The following ZBTB20 variants were observed in gnomAD, a reference collection of about 807,000 sequenced individuals.
The protein encoded by ZBTB20 is zinc finger and BTB domain containing 20.
Under a neutral mutation model 56.9 loss-of-function variants are expected in ZBTB20, and 9 were observed. That is an observed-to-expected ratio of 0.16 (90% confidence interval 0.10 to 0.28). ZBTB20 has a LOEUF of 0.28. ZBTB20 is among the 10% of genes least tolerant of loss of function. The pLI is 1.00. For missense variants in ZBTB20, 655 were observed against 1,003.0 expected, an observed-to-expected ratio of 0.65 and a Z score of 4.69; for synonymous variants, 417 against 420.7, an observed-to-expected ratio of 0.99 and a Z score of 0.11.
At chr3:114,736,011 T>C (rs1424464391) in intron 5 of ZBTB20, among the ~76,000 whole-genome samples, 1 of 152,184 alleles carries the variant, frequency 6.6e-6, no homozygotes, top group African/African-American at 2.4e-5. Context: ...GATGTTTATG[T>C]AGAGTAGTCA....
At chr3:114,528,650 A>G (rs1212092583) in intron 6 of ZBTB20, 1 of 152,160 alleles carries the variant, frequency 6.6e-6, no homozygotes, top group Non-Finnish European at 1.5e-5. Flanking sequence ...CTGGAATGGG[A>G]AACTGAGAGG....
At position 114,603,508 on chromosome 3, in the gene ZBTB20, A is replaced by G. The variant is rs577878567; in HGVS notation, c.-295+90020T>C. ...CTTTATAATCTTGGCATAAGAAAGG[A>G]CTTTTTACCTATAACTCATTATCTA... On this transcript the variant is annotated intron_variant, in intron 6 of 11. Transcript: ENST00000675478. 2.6e-5 allele frequency among the ~76,000 whole-genome samples: 4 copies of G among 152,122 alleles called. No individual in the cohort carries two copies. In the East Asian group the frequency reaches 7.7e-4, roughly 29 times the overall value.
chr3:114,412,644 T>A (rs2088091150), intron 7 of ZBTB20, among the ~76,000 whole-genome samples: 2 of 152,146 alleles, frequency 1.3e-5, no homozygotes, highest in Admixed American at 1.3e-4. Flanking sequence ...TAGGCTTTTT[T>A]TGGTCACAGA....
chr3:114,491,411 A>T (rs2042741132), intron 7 of ZBTB20, among the ~76,000 whole-genome samples: 1 of 152,170 alleles, frequency 6.6e-6, no homozygotes, highest in Non-Finnish European at 1.5e-5. Flanking sequence ...TCAAATCTCT[A>T]CTTTCCTTAA....
chr3:114,963,334 T>TG (rs1234512955), intron 3 of ZBTB20, among the ~76,000 whole-genome samples: 1 of 152,110 alleles, frequency 6.6e-6, no homozygotes, highest in East Asian at 1.9e-4. Flanking sequence ...GGATCCTAGA[T>TG]GAATTTTCCC....
intron 2 of ZBTB20, among the ~76,000 whole-genome samples, chr3:114,988,189 T>C (rs778579493): frequency 3.3e-5 from 5 of 151,252 alleles, no homozygotes; most frequent in Non-Finnish European, 5.9e-5. Context: ...GTTGGTGTGC[T>C]GCACCCATTA....
At chr3:114,372,826 A>G (rs1474707465) in intron 10 of ZBTB20, among the ~76,000 whole-genome samples, 2 of 152,212 alleles carry the variant, frequency 1.3e-5, no homozygotes, top group Non-Finnish European at 2.9e-5. Flanking sequence ...CCTGGGCAAC[A>G]GAGCCAGACC....
chr3:114,839,159 G>T (rs141311396), intron 4 of ZBTB20, among the ~76,000 whole-genome samples: 2 of 152,164 alleles, frequency 1.3e-5, no homozygotes, highest in East Asian at 1.9e-4. Context: ...CCAGCACTTT[G>T]GGAGGCCAAA....
intron 7 of ZBTB20, among the ~76,000 whole-genome samples, chr3:114,452,666 T>C (rs2091698810): frequency 6.6e-6 from 1 of 152,158 alleles, no homozygotes; most frequent in African/African-American, 2.4e-5. Context: ...ATGCATTCTA[T>C]AATTATGGAA....
At chr3:114,631,474 C>T (rs1480339686) in intron 6 of ZBTB20, among the ~76,000 whole-genome samples, 1 of 132,746 alleles carries the variant, frequency 7.5e-6, no homozygotes, top group Admixed American at 8.8e-5. Context: ...CTCACTGCAA[C>T]CTCTGCCTTC....
At chr3:114,495,457 AC>A (rs2043185825) in intron 7 of ZBTB20, among the ~76,000 whole-genome samples, 1 of 146,878 alleles carries the variant, frequency 6.8e-6, no homozygotes, top group Non-Finnish European at 1.5e-5. Flanking sequence ...GTGTATACAC[AC>A]ACACACACAC....
chr3:114,710,682 A>G (rs755055225), intron 5 of ZBTB20, among the ~76,000 whole-genome samples: 1 of 152,082 alleles, frequency 6.6e-6, no homozygotes, highest in Non-Finnish European at 1.5e-5. Context: ...TCCCCTCCCC[A>G]CTGCCATTGC....
chr3:114,805,871 T>C (rs1373226734), intron 4 of ZBTB20, among the ~76,000 whole-genome samples: 1 of 151,880 alleles, frequency 6.6e-6, no homozygotes, highest in Non-Finnish European at 1.5e-5. Context: ...TGTAGCTTTT[T>C]CACTTATCAT....
chr3:114,961,820 C>CACT (rs2077463975), intron 3 of ZBTB20, among the ~76,000 whole-genome samples: 1 of 152,078 alleles, frequency 6.6e-6, no homozygotes, highest in African/African-American at 2.4e-5. Flanking sequence ...CAGAAGCCAA[C>CACT]ACTAATTCTG....
At chr3:114,602,834 TA>T (rs1222254716) in intron 6 of ZBTB20, among the ~76,000 whole-genome samples, 1 of 152,158 alleles carries the variant, frequency 6.6e-6, no homozygotes, top group Non-Finnish European at 1.5e-5. Context: ...GAATTTTCTA[TA>T]AAACTCAAAG....
chr3:114,886,885 C>T (rs1038376609), intron 4 of ZBTB20, among the ~76,000 whole-genome samples: 2 of 152,190 alleles, frequency 1.3e-5, no homozygotes, highest in African/African-American at 2.4e-5. Flanking sequence ...ATGTCTTAGT[C>T]TGTTTCCTGT....
At chr3:114,578,471 T>A (rs987816782) in intron 6 of ZBTB20, among the ~76,000 whole-genome samples, 3 of 151,908 alleles carry the variant, frequency 2.0e-5, no homozygotes, top group Admixed American at 6.6e-5. Flanking sequence ...ATATCCTGAG[T>A]TCATGACTAA....
intron 5 of ZBTB20, among the ~76,000 whole-genome samples, chr3:114,753,774 C>T (rs1323312379): frequency 6.6e-6 from 1 of 151,960 alleles, no homozygotes; most frequent in African/African-American, 2.4e-5. Flanking sequence ...TCCTTTCCTA[C>T]CCCATTATAA....
chr3:115,061,652 G>T (rs1013129417), intron 2 of ZBTB20, among the ~76,000 whole-genome samples: 1 of 151,958 alleles, frequency 6.6e-6, no homozygotes, highest in Non-Finnish European at 1.5e-5. Flanking sequence ...TTCAGTCTGA[G>T]GTGACTTTTC....
Sources: gnomAD v4.1 joint callset for allele counts (sites outside exome capture counted in the v4.1 genomes callset) on GRCh38, gnomAD v4.1.1 for gene constraint, MANE v1.5 for transcripts, NCBI Gene and HGNC (gene_info 2026-07-23, HGNC 2026-07-21) for gene names.